The following RHOBTB1 variants were observed in gnomAD, a reference collection of about 807,000 sequenced individuals.
RHOBTB1 encodes the protein rho-related BTB domain-containing protein 1.
In RHOBTB1, 40 loss-of-function variants were observed where a neutral mutation model predicts 71.6. The ratio of observed to expected loss-of-function variants is 0.56; its 90% confidence interval spans 0.43 to 0.73. RHOBTB1 has a LOEUF of 0.73. Among genes scored for constraint, RHOBTB1 ranks in the 30% least tolerant of loss-of-function variants. The probability of loss-of-function intolerance (pLI) is 0.00; values close to 1 mark genes in which losing one functional copy is unlikely to be tolerated. For missense variants in RHOBTB1, 797 were observed against 894.0 expected, an observed-to-expected ratio of 0.89 and a Z score of 1.38; for synonymous variants, 319 against 334.9, an observed-to-expected ratio of 0.95 and a Z score of 0.52.
Position 60,874,971 on chromosome 10 carries a change from A to G in RHOBTB1, c.1798T>C (p.Tyr600His), listed in dbSNP as rs376819942. ...GVGIDGEVLS[Y>H]LELAQFHNAH... ...TTACAAACCTGAGCCAATTCCAAGT[A>G]AGAGAGCACTTCTCCGTCAATGCCC... Residue 600 changes from tyrosine (Y) to histidine (H), a missense_variant, in exon 9 of 11, where the codon TAC becomes CAC. This residue lies in a region of RHOBTB1 where 658 missense variants were observed against 681.5 expected (regional missense o/e 0.97). Coordinates refer to ENST00000337910, the MANE Select transcript of RHOBTB1 (RefSeq NM_014836.5). 10 of 1,613,586 alleles carry G rather than the reference A, an allele frequency of 6.2e-6. No homozygotes were observed. The highest frequency in any genetic ancestry group is 7.6e-6 in the Non-Finnish European group (9 of 1,179,592).
chr10:60,993,933 T>C (rs567539198), intron 1 of RHOBTB1, among the ~76,000 whole-genome samples: 1 of 152,286 alleles, frequency 6.6e-6, no homozygotes, highest in Non-Finnish European at 1.5e-5. Context: ...AATATTTGTA[T>C]ATACACTTTT....
intron 7 of RHOBTB1, among the ~76,000 whole-genome samples, chr10:60,884,572 A>G (rs1194231720): frequency 6.6e-6 from 1 of 152,220 alleles, no homozygotes; most frequent in African/African-American, 2.4e-5. Flanking sequence ...TAGCCAAGAT[A>G]TGGAGTCTGC....
At chr10:60,903,683 C>T (rs1332266020) in intron 4 of RHOBTB1, among the ~76,000 whole-genome samples, 2 of 151,550 alleles carry the variant, frequency 1.3e-5, no homozygotes, top group Admixed American at 1.3e-4. Flanking sequence ...AGACTATGGG[C>T]CCCTGGGTCA....
At chr10:60,868,957 C>T (rs1410804580), downstream of RHOBTB1, among the ~76,000 whole-genome samples, 1 of 152,232 alleles carries the variant, frequency 6.6e-6, no homozygotes, top group Non-Finnish European at 1.5e-5. Context: ...AATGACATCT[C>T]ACTGAGACTT....
chr10:60,978,376 T>C (rs1332748150), intron 2 of RHOBTB1, among the ~76,000 whole-genome samples: 3 of 152,196 alleles, frequency 2.0e-5, no homozygotes. Context: ...TCCACTTGCA[T>C]AGACATAGTA....
upstream of RHOBTB1, among the ~76,000 whole-genome samples, chr10:60,948,203 A>G (rs1326070234): frequency 1.3e-5 from 2 of 152,210 alleles, no homozygotes; most frequent in Non-Finnish European, 1.5e-5. Flanking sequence ...GTTTAAAAAA[A>G]TACATTCTGG....
intron 2 of RHOBTB1, among the ~76,000 whole-genome samples, chr10:60,979,065 A>G (rs2086407757): frequency 6.6e-6 from 1 of 152,182 alleles, no homozygotes; most frequent in South Asian, 2.1e-4. Flanking sequence ...CCTTGTCATC[A>G]GTAGGTAGGT....
intron 4 of RHOBTB1, among the ~76,000 whole-genome samples, chr10:60,893,605 C>A (rs1327900037): frequency 6.6e-6 from 1 of 151,922 alleles, no homozygotes; most frequent in Non-Finnish European, 1.5e-5. Flanking sequence ...CTAAGTAAGG[C>A]AAGAAGGTAA....
chr10:60,905,150 A>T (rs777108468), intron 4 of RHOBTB1, among the ~76,000 whole-genome samples: 7 of 120,724 alleles, frequency 5.8e-5, no homozygotes, highest in Non-Finnish European at 9.9e-5. Context: ...GATAATACTT[A>T]AAAAAAAAAA....
At chr10:60,937,914 G>A (rs1235036500) in intron 2 of RHOBTB1, among the ~76,000 whole-genome samples, 2 of 152,186 alleles carry the variant, frequency 1.3e-5, no homozygotes, top group Non-Finnish European at 2.9e-5. Flanking sequence ...TTACATGCAT[G>A]AGGATTTTAT....
At chr10:60,911,835 T>C (rs968820977) in intron 2 of RHOBTB1, among the ~76,000 whole-genome samples, 3 of 152,206 alleles carry the variant, frequency 2.0e-5, no homozygotes, top group African/African-American at 2.4e-5. Flanking sequence ...ACAACCTGCC[T>C]ACTGGAGCTC....
rs199994411 is a variant in RHOBTB1, at chr10:60,875,006, G to A, written c.1763C>T (p.Thr588Met). ...TTCTCCGTCAATGCCCACGCCACTC[G>A]TGGCGGCTTTGGTCAACTCCTGAAC... Reference protein sequence around the residue: ...HAVQELTKAATSGVGIDGEVL... With the variant: ...HAVQELTKAAMSGVGIDGEVL... Residue 588 changes from threonine to methionine, a missense_variant, in exon 9 of 11, where the codon ACG becomes ATG. Thr to Met is a moderately conservative substitution (Grantham distance 81). Coordinates refer to ENST00000337910, the MANE Select transcript of RHOBTB1 (RefSeq NM_014836.5). 182 of 1,614,106 alleles carry A rather than the reference G, an allele frequency of 1.1e-4. No individual in the cohort carries two copies. Among genetic ancestry groups the A allele is most frequent in the Non-Finnish European group, 1.5e-4 (172 of 1,179,974 alleles).
chr10:60,998,128 G>A (rs1164968764), intron 1 of RHOBTB1, among the ~76,000 whole-genome samples: 2 of 152,166 alleles, frequency 1.3e-5, no homozygotes, highest in Admixed American at 6.5e-5. Context: ...TTTGTCCTGT[G>A]TGTCTGAGGG....
chr10:60,885,534 G>A (rs1265718191), intron 7 of RHOBTB1, among the ~76,000 whole-genome samples: 2 of 152,146 alleles, frequency 1.3e-5, no homozygotes, highest in South Asian at 2.1e-4. Flanking sequence ...CCTCAACACA[G>A]GCAGAGTCAG....
At chr10:60,954,463 C>T (rs1020649036) in intron 2 of RHOBTB1, among the ~76,000 whole-genome samples, 2 of 152,072 alleles carry the variant, frequency 1.3e-5, no homozygotes, top group African/African-American at 4.8e-5. Flanking sequence ...ATTAAACTGA[C>T]AGTTTTATTA....
intron 2 of RHOBTB1, among the ~76,000 whole-genome samples, chr10:60,928,133 C>T (rs566824660): frequency 2.6e-5 from 4 of 152,138 alleles, no homozygotes; most frequent in East Asian, 1.9e-4. Flanking sequence ...ATAATCTCAC[C>T]GCAGTTAAAA....
chr10:60,871,795 A>T (rs1415455499), intron 10 of RHOBTB1, 144 bp from the exon 11 acceptor site: 1 of 720,324 alleles, frequency 1.4e-6, no homozygotes, highest in African/African-American at 1.8e-5. Flanking sequence ...GCAAAAGGTG[A>T]CACTAACGTT....
At chr10:60,920,783 T>C (rs1404600619) in intron 2 of RHOBTB1, among the ~76,000 whole-genome samples, 3 of 151,900 alleles carry the variant, frequency 2.0e-5, no homozygotes, top group Admixed American at 6.6e-5. Context: ...GCCTCTTGAG[T>C]AGCTGGGACT....
At chr10:60,916,730 C>T (rs1022518133) in intron 2 of RHOBTB1, among the ~76,000 whole-genome samples, 2 of 152,116 alleles carry the variant, frequency 1.3e-5, no homozygotes, top group African/African-American at 4.8e-5. Context: ...CCACGGAATC[C>T]GCGGAACTTG....
Sources: allele counts gnomAD v4.1 joint callset (sites outside exome capture counted in the v4.1 genomes callset), GRCh38; gene constraint gnomAD v4.1.1; regional missense constraint gnomAD v4.1.1; transcripts MANE v1.5; gene names NCBI Gene and HGNC (gene_info 2026-07-23, HGNC 2026-07-21).